The following C9orf153 variants were observed in gnomAD, a reference collection of about 807,000 sequenced individuals.
The protein encoded by C9orf153 is uncharacterized protein C9orf153.
In C9orf153, 10 loss-of-function variants were observed where a neutral mutation model predicts 9.0. That is an observed-to-expected ratio of 1.11 (90% CI 0.69 to 1.89). The LOEUF (loss-of-function observed/expected upper bound fraction) is 1.89. Ranked by LOEUF, C9orf153 falls within the 40% of genes most tolerant of loss-of-function variation. The pLI, the probability that C9orf153 is intolerant of heterozygous loss-of-function variation, is 0.00. For synonymous variants in C9orf153, 35 were observed against 37.3 expected (o/e 0.94, Z 0.23); for missense variants, 108 against 111.0 (o/e 0.97, Z 0.12).
chr9:86,229,638 A>T lies in C9orf153; in HGVS notation c.-26-9T>A. 6.7e-7 allele frequency: 1 copy of T among 1,501,024 alleles called. No individual in the cohort carries two copies. The highest frequency in any genetic ancestry group is 9.2e-7 in the Non-Finnish European group (1 of 1,082,074). The allele number at this position is 1,501,024 out of a possible 1,614,324, so 93.0% of individuals were successfully genotyped here. A position where few individuals can be genotyped will look rare whatever the true frequency, so the allele number is the denominator to read the frequency against. ...ATTTTATTCTCTAATTCCTAAAAAAAGCAATATGAGAAAAGACAAAAATCA... is the reference window on the plus strand; with the variant it reads ...ATTTTATTCTCTAATTCCTAAAAAATGCAATATGAGAAAAGACAAAAATCA... On this transcript the variant is annotated splice_polypyrimidine_tract_variant and intron_variant, in intron 1 of 3. Coordinates refer to ENST00000339137, the MANE Select transcript of C9orf153 (RefSeq NM_001276366.4).
chr9:86,230,796 A>G (rs1252142089), intron 1 of C9orf153, among the ~76,000 whole-genome samples: 1 of 152,220 alleles, frequency 6.6e-6, no homozygotes, highest in Non-Finnish European at 1.5e-5. Flanking sequence ...GGCATTTTGC[A>G]GATGGAATTG....
chr9:86,241,471 A>G (rs1294191865), intron 1 of C9orf153, among the ~76,000 whole-genome samples: 1 of 152,232 alleles, frequency 6.6e-6, no homozygotes, highest in African/African-American at 2.4e-5. Flanking sequence ...TGCCGAGCAC[A>G]GCAAAGCCAA....
chr9:86,259,031 G>GT (rs11440861), intron 1 of C9orf153, among the ~76,000 whole-genome samples: 66,857 of 147,234 alleles, frequency 0.45, 15,087 homozygotes, highest in Middle Eastern at 0.58. Context: ...ACAGAGCAGT[G>GT]TTTTTTTTTT....
Position 86,221,431 on chromosome 9 carries a change from A to T in C9orf153, c.*257T>A. 2.6e-6 allele frequency: 2 copies of T among 763,034 alleles called. No individual in the cohort carries two copies. The highest frequency in any genetic ancestry group is 3.6e-6 in the Non-Finnish European group (2 of 551,662). 47.3% of individuals were successfully genotyped at this position (763,034 alleles called of 1,614,324 possible). A position where few individuals can be genotyped will look rare whatever the true frequency, so the allele number is the denominator to read the frequency against. On this transcript the variant is annotated 3_prime_UTR_variant, in exon 4 of 4. Transcript: ENST00000339137. The stretch of plus-strand genomic sequence containing the variant: ...GTTCTATTGGGTACTTGGCTTCTTT[A>T]CTTTTTGTGTATTAAATCAATGCTC...
intron 1 of C9orf153, among the ~76,000 whole-genome samples, chr9:86,249,548 C>A (rs1464012155): frequency 7.8e-6 from 1 of 128,408 alleles, no homozygotes; most frequent in Non-Finnish European, 1.7e-5. Context: ...CGTCTCCCAC[C>A]TTTTTTTTTT....
At chr9:86,235,635 G>A (rs1347518797) in intron 1 of C9orf153, among the ~76,000 whole-genome samples, 12 of 150,678 alleles carry the variant, frequency 8.0e-5, no homozygotes, top group Admixed American at 3.3e-4. Context: ...TGTGCTACTC[G>A]GGAGGCTGAG....
At chr9:86,244,794 T>G (rs1824829414) in intron 1 of C9orf153, among the ~76,000 whole-genome samples, 1 of 152,208 alleles carries the variant, frequency 6.6e-6, no homozygotes. Flanking sequence ...AATTTTGTGT[T>G]TAGCATTCTC....
intron 2 of C9orf153, 125 bp from the exon 3 acceptor site, chr9:86,228,155 T>G: frequency 1.4e-6 from 1 of 708,550 alleles, no homozygotes; most frequent in East Asian, 2.8e-5. Flanking sequence ...CATTTTTATC[T>G]TTGGAAGATA....
chr9:86,221,533 G>C lies in C9orf153; in HGVS notation c.*155C>G. On this transcript the variant is annotated 3_prime_UTR_variant, in exon 4 of 4. Coordinates refer to ENST00000339137, the MANE Select transcript of C9orf153 (RefSeq NM_001276366.4). ...TTAAGAGAATAACTTCCTTCATTTT[G>C]ATAATCAATTTGAGGATAAATGACC... 2 of 1,350,602 alleles carry C rather than the reference G, an allele frequency of 1.5e-6. No individual in the cohort carries two copies. The highest frequency in any genetic ancestry group is 1.9e-6 in the Non-Finnish European group (2 of 1,050,704). The allele number at this position is 1,350,602 out of a possible 1,614,324, so 83.7% of individuals were successfully genotyped here.
intron 1 of C9orf153, among the ~76,000 whole-genome samples, chr9:86,245,217 G>A (rs928845565): frequency 2.0e-5 from 3 of 152,146 alleles, no homozygotes; most frequent in Admixed American, 6.5e-5. Context: ...ATGAGTCACC[G>A]TGCCCAGTCA....
chr9:86,228,146 AT>A, intron 2 of C9orf153, 116 bp from the exon 3 acceptor site: 2 of 743,200 alleles, frequency 2.7e-6, no homozygotes, highest in Non-Finnish European at 4.2e-6. Flanking sequence ...AGACAAAAGC[AT>A]TTTTATCTTT....
intron 1 of C9orf153, among the ~76,000 whole-genome samples, chr9:86,250,605 T>C (rs1180086929): frequency 6.6e-6 from 1 of 152,274 alleles, no homozygotes; most frequent in Non-Finnish European, 1.5e-5. Context: ...AATAATGTAA[T>C]ATACATCCGT....
intron 3 of C9orf153, among the ~76,000 whole-genome samples, chr9:86,223,639 T>C (rs550371328): frequency 8.6e-4 from 131 of 152,246 alleles, no homozygotes; most frequent in African/African-American, 3.1e-3. Flanking sequence ...TTGGACACAA[T>C]TCTGGCCAAG....
intron 3 of C9orf153, among the ~76,000 whole-genome samples, chr9:86,226,986 G>A (rs1217675244): frequency 1.3e-5 from 2 of 152,078 alleles, no homozygotes; most frequent in African/African-American, 2.4e-5. Flanking sequence ...GGCTGGTCCC[G>A]AACTCCTGAC....
At chr9:86,250,719 G>GT (rs11389201) in intron 1 of C9orf153, among the ~76,000 whole-genome samples, 84,024 of 151,860 alleles carry the variant, frequency 0.55, 25,711 homozygotes, top group East Asian at 0.85. Context: ...ATTCTTTGTT[G>GT]TTTTTTTACG....
In C9orf153 at chr9:86,252,952, T is replaced by C. The variant is rs186832334; in HGVS notation, c.-27+6598A>G. On this transcript the variant is annotated intron_variant, in intron 1 of 3. Transcript: ENST00000339137. The stretch of plus-strand genomic sequence containing the variant: ...TTTCTATGACTTTTTGTTTGAAACA[T>C]TGCTGATGCTTTTTAGGTTTTGTTT... 1.7e-3 allele frequency among the ~76,000 whole-genome samples: 252 copies of C among 152,276 alleles called. 4 individuals are homozygous for C. The highest frequency in any genetic ancestry group is 0.014 in the Admixed American group (218 of 15,270).
rs1207301529 is a variant in C9orf153, at chr9:86,221,735, TGAAAA to T, written c.243-7_243-3del. The T allele has an allele frequency of 7.8e-6, 12 of 1,530,432 alleles. No homozygotes were observed. The highest frequency in any genetic ancestry group is 1.1e-5 in the Non-Finnish European group (12 of 1,128,940). The allele number at this position is 1,530,432 out of a possible 1,614,324, so 94.8% of individuals were successfully genotyped here. ...CCCTTAGATTCATGAATTGTTTTCCTGAAAAGAATCATATTTTCAAAGAATCACAT... is the reference window on the plus strand; with the variant it reads ...CCCTTAGATTCATGAATTGTTTTCCTGAATCATATTTTCAAAGAATCACAT... On this transcript the variant is annotated splice_region_variant and splice_polypyrimidine_tract_variant and intron_variant, in intron 3 of 3. Coordinates refer to ENST00000339137, the MANE Select transcript of C9orf153 (RefSeq NM_001276366.4).
intron 1 of C9orf153, among the ~76,000 whole-genome samples, chr9:86,232,802 A>G (rs539782047): frequency 2.3e-4 from 35 of 152,038 alleles, no homozygotes; most frequent in African/African-American, 6.3e-4. Flanking sequence ...GCACAGTCTC[A>G]GCTCACTGCA....
intron 1 of C9orf153, among the ~76,000 whole-genome samples, chr9:86,250,819 G>A (rs1824977686): frequency 6.6e-6 from 1 of 152,176 alleles, no homozygotes; most frequent in Admixed American, 6.5e-5. Flanking sequence ...CAAAGGGAAA[G>A]CTTCTCCTTT....
Sources: gnomAD v4.1 joint callset for allele counts (sites outside exome capture counted in the v4.1 genomes callset) on GRCh38, gnomAD v4.1.1 for gene constraint, MANE v1.5 for transcripts, NCBI Gene and HGNC (gene_info 2026-07-23, HGNC 2026-07-21) for gene names.